The following MYO5B variants were observed in gnomAD, a reference collection of about 807,000 sequenced individuals.
MYO5B encodes myosin VB.
A neutral mutation model predicts 229.3 loss-of-function variants in MYO5B; 143 were observed. The ratio of observed to expected loss-of-function variants is 0.62; its 90% confidence interval spans 0.54 to 0.72. MYO5B has a LOEUF of 0.72. Ranked by LOEUF, MYO5B falls within the 30% of genes least tolerant of loss-of-function variation. The probability of loss-of-function intolerance (pLI) is 0.00; values close to 1 mark genes in which losing one functional copy is unlikely to be tolerated. For synonymous variants in MYO5B, 918 were observed against 885.2 expected (o/e 1.04, Z -0.66); for missense variants, 2,321 against 2,331.0 (o/e 1.00, Z 0.09).
At chr18:49,912,211 T>TGC (rs909861940) in intron 17 of MYO5B, 38 bp from the exon 18 acceptor site, 21 of 1,531,084 alleles carry the variant, frequency 1.4e-5, no homozygotes, top group African/African-American at 2.7e-5. Context: ...TGACACATCC[T>TGC]GCCTCTTGGC....
Position 49,997,267 on chromosome 18 carries a change from TAAAAAAAAAAAAA to T in MYO5B, c.612+3975_612+3987del, listed in dbSNP as rs58927375. On this transcript the variant is annotated intron_variant, in intron 5 of 39. Transcript: ENST00000285039. Reference sequence around the variant, plus strand: ...GGGTGACAAAGCAAGGTCCTGTCTTTAAAAAAAAAAAAAAAAAAAAAAAAAAAAAAGCAAATCC... The same window carrying T: ...GGGTGACAAAGCAAGGTCCTGTCTTTAAAAAAAAAAAAAAAAAGCAAATCC... 9.1e-3 allele frequency among the ~76,000 whole-genome samples: 918 copies of T among 101,186 alleles called. 18 individuals carry two copies. Among genetic ancestry groups the T allele is most frequent in the African/African-American group, 0.016 (354 of 22,616 alleles). 66.4% of individuals were successfully genotyped at this position (101,186 alleles called of 152,430 possible).
chr18:50,079,498 A>G (rs142104538), intron 1 of MYO5B, among the ~76,000 whole-genome samples: 1 of 152,216 alleles, frequency 6.6e-6, no homozygotes, highest in African/African-American at 2.4e-5. Flanking sequence ...CTCCAAAATA[A>G]AACTCCTCAA....
At chr18:49,874,632 G>T (rs763580489) in intron 26 of MYO5B, among the ~76,000 whole-genome samples, 2 of 152,166 alleles carry the variant, frequency 1.3e-5, no homozygotes, top group Non-Finnish European at 2.9e-5. Flanking sequence ...TACAGGTGTT[G>T]CAAAAAATGA....
intron 1 of MYO5B, among the ~76,000 whole-genome samples, chr18:50,165,602 C>T (rs1568130552): frequency 6.6e-6 from 1 of 152,106 alleles, no homozygotes; most frequent in Non-Finnish European, 1.5e-5. Context: ...ATGATGAAAC[C>T]CCATCTCTAC....
intron 35 of MYO5B, 122 bp from the exon 36 acceptor site, chr18:49,839,416 A>G: frequency 1.9e-6 from 2 of 1,036,562 alleles, no homozygotes; most frequent in Non-Finnish European, 3.0e-6. Flanking sequence ...GGCCCTCCCT[A>G]TGTAGATGAT....
chr18:50,160,956 G>A (rs556777268), intron 1 of MYO5B, among the ~76,000 whole-genome samples: 34 of 152,150 alleles, frequency 2.2e-4, no homozygotes, highest in African/African-American at 5.8e-4. Context: ...ATTCTCCCAC[G>A]TTAATTTCCC....
intron 27 of MYO5B, among the ~76,000 whole-genome samples, chr18:49,867,621 T>C (rs17800291): frequency 0.13 from 19,084 of 152,196 alleles, 1,405 homozygotes; most frequent in East Asian, 0.26. Context: ...CGTCAGTCCA[T>C]CCCTGGAAAG....
intron 1 of MYO5B, among the ~76,000 whole-genome samples, chr18:50,172,286 GACA>G (rs2032930185): frequency 4.9e-5 from 1 of 20,284 alleles, no homozygotes; most frequent in Non-Finnish European, 9.9e-5. Flanking sequence ...GACAAAAAAA[GACA>G]AAAAAAAAAA....
intron 29 of MYO5B, among the ~76,000 whole-genome samples, chr18:49,862,195 A>G (rs1008054180): frequency 2.0e-5 from 3 of 152,076 alleles, no homozygotes; most frequent in Non-Finnish European, 2.9e-5. Context: ...ACAGGGTTTC[A>G]CCACATTGGC....
chr18:50,082,268 C>A (rs192733787), intron 1 of MYO5B, among the ~76,000 whole-genome samples: 25 of 152,318 alleles, frequency 1.6e-4, no homozygotes, highest in Non-Finnish European at 2.8e-4. Context: ...CCTGTGGTTA[C>A]TGGATTCCAG....
At chr18:49,921,256 GT>G (rs11306054) in intron 17 of MYO5B, among the ~76,000 whole-genome samples, 73,242 of 121,812 alleles carry the variant, frequency 0.6, 21,070 homozygotes, top group Middle Eastern at 0.68. Context: ...TTCAAGCAGA[GT>G]TTTTTTTTTT....
intron 4 of MYO5B, among the ~76,000 whole-genome samples, chr18:50,011,641 G>A (rs1376340248): frequency 2.6e-4 from 39 of 152,032 alleles, no homozygotes; most frequent in Non-Finnish European, 1.5e-5. Context: ...TTTACTGCTT[G>A]AGGCCAAGCT....
intron 1 of MYO5B, among the ~76,000 whole-genome samples, chr18:50,066,569 C>A (rs760922759): frequency 6.6e-6 from 1 of 152,142 alleles, no homozygotes; most frequent in African/African-American, 2.4e-5. Context: ...AAATGTTCAA[C>A]CTGGGTACAT....
chr18:49,886,399 T>C (rs1006399376), intron 22 of MYO5B, among the ~76,000 whole-genome samples: 15 of 152,144 alleles, frequency 9.9e-5, no homozygotes, highest in African/African-American at 3.6e-4. Context: ...TTTTCAAAAG[T>C]TGTCCAGGTA....
chr18:50,093,069 T>C (rs1320951919), intron 1 of MYO5B, among the ~76,000 whole-genome samples: 5 of 151,878 alleles, frequency 3.3e-5, no homozygotes, highest in East Asian at 1.9e-4. Flanking sequence ...AATTTGTAAA[T>C]AGACTGAAAA....
At chr18:49,837,860 G>C in intron 36 of MYO5B, 58 bp from the exon 37 acceptor site, 2 of 1,593,428 alleles carry the variant, frequency 1.3e-6, no homozygotes, top group East Asian at 4.5e-5. Flanking sequence ...GCAAAGATTG[G>C]ACCACTCAAA....
chr18:50,021,675 C>T (rs1007099719), intron 4 of MYO5B, among the ~76,000 whole-genome samples: 1 of 144,708 alleles, frequency 6.9e-6, no homozygotes, highest in African/African-American at 2.6e-5. Context: ...AACCAATGCC[C>T]AATCTATGTG....
At chr18:50,111,464 T>C (rs952015076) in intron 1 of MYO5B, among the ~76,000 whole-genome samples, 13 of 152,178 alleles carry the variant, frequency 8.5e-5, no homozygotes, top group Non-Finnish European at 1.9e-4. Context: ...CTGGTTCTCA[T>C]TCTCTTTGAA....
chr18:50,099,390 A>G (rs2031612280), intron 1 of MYO5B, among the ~76,000 whole-genome samples: 1 of 152,228 alleles, frequency 6.6e-6, no homozygotes, highest in Admixed American at 6.5e-5. Context: ...TGACACAGGA[A>G]GACTGTGCTT....
Sources: allele counts gnomAD v4.1 joint callset (sites outside exome capture counted in the v4.1 genomes callset), GRCh38; gene constraint gnomAD v4.1.1; transcripts MANE v1.5; gene names NCBI Gene and HGNC (gene_info 2026-07-23, HGNC 2026-07-21).